FAM168A: variants seen among roughly 807,000 people sequenced by gnomAD.
FAM168A encodes the protein protein FAM168A.
FAM168A carries 3 observed loss-of-function variants against 28.5 expected under a neutral mutation model. The ratio of observed to expected loss-of-function variants is 0.11; its 90% CI spans 0.05 to 0.27. FAM168A has a LOEUF of 0.27. Ranked by LOEUF, FAM168A falls within the 10% of genes least tolerant of loss-of-function variation. FAM168A has a pLI of 1.00. For synonymous variants in FAM168A, 122 were observed against 124.2 expected (o/e 0.98, Z 0.12); for missense variants, 222 against 311.5 (o/e 0.71, Z 2.16).
intron 1 of FAM168A, among the ~76,000 whole-genome samples, chr11:73,517,309 G>A (rs1943317556): frequency 6.6e-6 from 1 of 152,076 alleles, no homozygotes; most frequent in African/African-American, 2.4e-5. Context: ...GGGGTTACAG[G>A]TGTAAACCAC....
chr11:73,586,007 G>A (rs147609544), intron 1 of FAM168A, among the ~76,000 whole-genome samples: 79 of 152,104 alleles, frequency 5.2e-4, no homozygotes, highest in Admixed American at 2.0e-3. Flanking sequence ...GAGTGGGTGA[G>A]TTATATCCTG....
chr11:73,527,482 A>G (rs1271754380), intron 1 of FAM168A, among the ~76,000 whole-genome samples: 1 of 152,196 alleles, frequency 6.6e-6, no homozygotes, highest in Non-Finnish European at 1.5e-5. Flanking sequence ...ATGCCAGTAG[A>G]CATTTCCATT....
intron 2 of FAM168A, among the ~76,000 whole-genome samples, chr11:73,459,850 T>G (rs966603181): frequency 1.6e-4 from 24 of 151,920 alleles, no homozygotes; most frequent in African/African-American, 5.6e-4. Context: ...CCAGAGGGGT[T>G]GACCAGTCAC....
chr11:73,597,669 C>A (rs1354202380), intron 1 of FAM168A, among the ~76,000 whole-genome samples: 1 of 151,582 alleles, frequency 6.6e-6, no homozygotes, highest in Non-Finnish European at 1.5e-5. Context: ...ACTCTCCTGT[C>A]CCAGGTTGGG....
intron 1 of FAM168A, among the ~76,000 whole-genome samples, chr11:73,534,359 T>A (rs996014402): frequency 2.0e-5 from 3 of 152,134 alleles, no homozygotes; most frequent in Non-Finnish European, 4.4e-5. Flanking sequence ...GCTCAGAAAC[T>A]GGCAGTATCA....
At chr11:73,464,094 T>G (rs1867693883) in intron 2 of FAM168A, among the ~76,000 whole-genome samples, 1 of 152,136 alleles carries the variant, frequency 6.6e-6, no homozygotes, top group Non-Finnish European at 1.5e-5. Flanking sequence ...ACCTACTTTG[T>G]AACTGGGGTT....
chr11:73,409,469 T>C lies in FAM168A; in HGVS notation c.595+18A>G, dbSNP rs539696554. On this transcript the variant is annotated intron_variant, in intron 6 of 7. Coordinates refer to ENST00000356467, the MANE Select transcript of FAM168A (RefSeq NM_015159.3). The stretch of plus-strand genomic sequence containing the variant: ...CCTAGAGGAAAGGGATGGACACTGA[T>C]GCAGATGCTGCCCTCACCTGCTGAC... The C allele has an allele frequency of 6.2e-7, 1 of 1,612,984 alleles. No homozygotes were observed.
intron 1 of FAM168A, among the ~76,000 whole-genome samples, chr11:73,470,272 T>C (rs1217838181): frequency 6.6e-6 from 1 of 152,216 alleles, no homozygotes; most frequent in Admixed American, 6.5e-5. Context: ...ACAATGATGA[T>C]GTGGCAATGT....
intron 4 of FAM168A, among the ~76,000 whole-genome samples, chr11:73,415,943 G>A (rs530763553): frequency 2.2e-4 from 34 of 152,280 alleles, no homozygotes; most frequent in African/African-American, 7.9e-4. Flanking sequence ...AGCCCAGAAG[G>A]ACAGATTTTC....
intron 1 of FAM168A, chr11:73,510,543 G>A (rs975895854): frequency 1.4e-5 from 3 of 207,562 alleles, no homozygotes; most frequent in African/African-American, 6.9e-5. Flanking sequence ...CACTTTATTG[G>A]GCCTAAGCTT....
In FAM168A at chr11:73,405,006, C is replaced by CA. The variant is rs1289123123; in HGVS notation, c.*1756dup. The CA allele has an allele frequency of 7.9e-5, 12 of 152,234 alleles. No individual in the cohort carries two copies. The highest frequency in any genetic ancestry group is 2.9e-5 in the Non-Finnish European group (2 of 68,046). 9.4% of individuals were successfully genotyped at this position (152,234 alleles called of 1,614,324 possible). Reference sequence around the variant, plus strand: ...AATCCAGGCTCCTGGCTGAGACTAGCAGGGACCTCCTCGTCCCAGGGGTCC... The same window carrying CA: ...AATCCAGGCTCCTGGCTGAGACTAGCAAGGGACCTCCTCGTCCCAGGGGTCC... On this transcript the variant is annotated 3_prime_UTR_variant, in exon 8 of 8. Coordinates refer to ENST00000356467, the MANE Select transcript of FAM168A (RefSeq NM_015159.3).
At chr11:73,473,684 T>C (rs1210380308) in intron 1 of FAM168A, among the ~76,000 whole-genome samples, 1 of 152,178 alleles carries the variant, frequency 6.6e-6, no homozygotes, top group African/African-American at 2.4e-5. Flanking sequence ...TCCCCAGATA[T>C]CCAAATGGCA....
At chr11:73,496,801 C>T (rs887831026) in intron 1 of FAM168A, among the ~76,000 whole-genome samples, 9 of 151,710 alleles carry the variant, frequency 5.9e-5, no homozygotes, top group African/African-American at 1.9e-4. Flanking sequence ...ACCTCGTGAT[C>T]CACCCACCTC....
chr11:73,572,266 C>G (rs1008219854), intron 1 of FAM168A, among the ~76,000 whole-genome samples: 3 of 151,826 alleles, frequency 2.0e-5, no homozygotes, highest in Non-Finnish European at 2.9e-5. Flanking sequence ...GGGGTCAGCC[C>G]CCGCCCGGCC....
intron 2 of FAM168A, among the ~76,000 whole-genome samples, chr11:73,459,408 C>G (rs1026362423): frequency 3.3e-5 from 5 of 150,812 alleles, no homozygotes; most frequent in African/African-American, 1.2e-4. Flanking sequence ...ATGGCGTGAA[C>G]CTGGGAGGCG....
rs1437893091 is a variant in FAM168A at position 73,462,702 on chromosome 11, C to T, written c.70+5703G>A. Among the ~76,000 whole-genome samples, 5 of 150,838 alleles carry T rather than the reference C, an allele frequency of 3.3e-5. No homozygotes were observed. The East Asian group carries it at 7.8e-4, about 23-fold the overall frequency. On this transcript the variant is annotated intron_variant, in intron 2 of 7. Coordinates refer to ENST00000356467, the MANE Select transcript of FAM168A (RefSeq NM_015159.3). ...ACCAGCCTGGCCAACACGGTGAAACCCCGTCTCTACCAAAAATACAAAAAG... is the reference window on the plus strand; with the variant it reads ...ACCAGCCTGGCCAACACGGTGAAACTCCGTCTCTACCAAAAATACAAAAAG...
chr11:73,540,677 T>C (rs1943642140), intron 1 of FAM168A, among the ~76,000 whole-genome samples: 1 of 152,220 alleles, frequency 6.6e-6, no homozygotes, highest in Non-Finnish European at 1.5e-5. Context: ...TGCAATCTCT[T>C]CAGAGAGGCT....
intron 1 of FAM168A, among the ~76,000 whole-genome samples, chr11:73,494,625 T>C (rs1854832196): frequency 6.6e-6 from 1 of 151,538 alleles, no homozygotes; most frequent in South Asian, 2.1e-4. Context: ...CGTAGAAAAA[T>C]TGGGGAAAAA....
intron 1 of FAM168A, among the ~76,000 whole-genome samples, chr11:73,500,574 T>C (rs2134622962): frequency 6.6e-6 from 1 of 152,180 alleles, no homozygotes; most frequent in East Asian, 1.9e-4. Context: ...CAGAATTTCA[T>C]ATCCAGCCAA....
Sources: allele counts gnomAD v4.1 joint callset (sites outside exome capture counted in the v4.1 genomes callset), GRCh38; gene constraint gnomAD v4.1.1; transcripts MANE v1.5; gene names NCBI Gene and HGNC (gene_info 2026-07-23, HGNC 2026-07-21).